Variants in TMEM132D observed in about 807,000 individuals in gnomAD.
The protein encoded by TMEM132D is mature OL transmembrane protein.
TMEM132D carries 21 observed loss-of-function variants against 62.3 expected under a neutral mutation model. The ratio of observed to expected loss-of-function variants is 0.34; its 90% confidence interval spans 0.24 to 0.49. The LOEUF (loss-of-function observed/expected upper bound fraction) is 0.49. Ranked by LOEUF, TMEM132D falls within the 20% of genes least tolerant of loss-of-function variation. The pLI, the probability that TMEM132D is intolerant of heterozygous loss-of-function variation, is 0.99. For missense variants in TMEM132D, 1,346 were observed against 1,402.8 expected (o/e 0.96, Z 0.65); for synonymous variants, 621 against 575.6 (o/e 1.08, Z -1.13).
chr12:129,642,235 A>T (rs1409310234), intron 2 of TMEM132D, among the ~76,000 whole-genome samples: 1 of 152,238 alleles, frequency 6.6e-6, no homozygotes, highest in African/African-American at 2.4e-5. Flanking sequence ...CTTCCCAGCC[A>T]AACAAAATAC....
intron 4 of TMEM132D, among the ~76,000 whole-genome samples, chr12:129,304,349 C>T (rs539444181): frequency 4.7e-4 from 72 of 152,254 alleles, no homozygotes; most frequent in Admixed American, 2.9e-3. Flanking sequence ...CCTACAATAC[C>T]ATGCAAAGGC....
At chr12:129,148,662 T>TA (rs1565978846) in intron 5 of TMEM132D, among the ~76,000 whole-genome samples, 1 of 152,198 alleles carries the variant, frequency 6.6e-6, no homozygotes, top group Non-Finnish European at 1.5e-5. Flanking sequence ...TGTGCATTTT[T>TA]AAAAAAGCCA....
At chr12:129,110,210 C>A (rs1205574787) in intron 5 of TMEM132D, 1 of 152,302 alleles carries the variant, frequency 6.6e-6, no homozygotes, top group Non-Finnish European at 1.5e-5. Context: ...CTGCAGTCCT[C>A]AATTAATCTC....
At chr12:129,616,919 TGAA>T (rs1280438153) in intron 2 of TMEM132D, among the ~76,000 whole-genome samples, 1 of 152,228 alleles carries the variant, frequency 6.6e-6, no homozygotes, top group Non-Finnish European at 1.5e-5. Flanking sequence ...GACAAGGAGA[TGAA>T]GAACACTGGA....
At chr12:129,690,231 G>A (rs1881031074) in intron 2 of TMEM132D, among the ~76,000 whole-genome samples, 1 of 152,082 alleles carries the variant, frequency 6.6e-6, no homozygotes. Flanking sequence ...TACACCAAGA[G>A]AGGATAGCAA....
intron 4 of TMEM132D, among the ~76,000 whole-genome samples, chr12:129,253,034 G>A (rs1160200393): frequency 1.0e-4 from 13 of 125,854 alleles, no homozygotes; most frequent in Non-Finnish European, 1.8e-4. Context: ...ACACACTGGG[G>A]ACTGTTGTGG....
chr12:129,556,542 A>C (rs1488549281), intron 2 of TMEM132D, among the ~76,000 whole-genome samples: 1 of 151,770 alleles, frequency 6.6e-6, no homozygotes, highest in African/African-American at 2.4e-5. Context: ...GGTAGAAAAA[A>C]CCTCAAATAC....
At chr12:129,538,522 A>G (rs953706600) in intron 2 of TMEM132D, among the ~76,000 whole-genome samples, 1 of 152,208 alleles carries the variant, frequency 6.6e-6, no homozygotes, top group Non-Finnish European at 1.5e-5. Context: ...GATGTATGAA[A>G]CCATGGATAG....
chr12:129,487,036 G>GC (rs1874604279), intron 3 of TMEM132D, among the ~76,000 whole-genome samples: 1 of 151,960 alleles, frequency 6.6e-6, no homozygotes, highest in South Asian at 2.1e-4. Flanking sequence ...GCGTATGGGG[G>GC]GGGGGGTTGT....
chr12:129,545,160 G>A (rs1876697628), intron 2 of TMEM132D, among the ~76,000 whole-genome samples: 2 of 152,174 alleles, frequency 1.3e-5, no homozygotes, highest in Non-Finnish European at 2.9e-5. Flanking sequence ...CTCCTTCCCA[G>A]CTTCCTCATT....
chr12:129,563,256 C>G (rs575190100), intron 2 of TMEM132D, among the ~76,000 whole-genome samples: 1 of 152,330 alleles, frequency 6.6e-6, no homozygotes, highest in South Asian at 2.1e-4. Flanking sequence ...TGTCCATTTT[C>G]ATAAAACCTT....
intron 1 of TMEM132D, among the ~76,000 whole-genome samples, chr12:129,891,378 A>T (rs1874918213): frequency 6.6e-6 from 1 of 152,188 alleles, no homozygotes; most frequent in Non-Finnish European, 1.5e-5. Flanking sequence ...GGGCCTTGAG[A>T]GCAACATCAT....
At chr12:129,117,870 T>C (rs919948030) in intron 5 of TMEM132D, among the ~76,000 whole-genome samples, 1 of 152,250 alleles carries the variant, frequency 6.6e-6, no homozygotes, top group Non-Finnish European at 1.5e-5. Context: ...TTTTCCATTG[T>C]TAATTACTAT....
At chr12:129,665,555 T>C (rs1880357390) in intron 2 of TMEM132D, among the ~76,000 whole-genome samples, 1 of 152,082 alleles carries the variant, frequency 6.6e-6, no homozygotes, top group African/African-American at 2.4e-5. Context: ...AACAGTCTAC[T>C]TAAAATACTG....
At chr12:129,649,500 CT>C (rs1452517734) in intron 2 of TMEM132D, among the ~76,000 whole-genome samples, 1 of 152,124 alleles carries the variant, frequency 6.6e-6, no homozygotes, top group Non-Finnish European at 1.5e-5. Context: ...ACTCTACCAT[CT>C]TTGCAAAATA....
chr12:129,117,928 T>C (rs1875943596), intron 5 of TMEM132D, among the ~76,000 whole-genome samples: 2 of 152,224 alleles, frequency 1.3e-5, no homozygotes, highest in South Asian at 4.1e-4. Context: ...TAAAATGAAG[T>C]TGAACAGCAG....
At position 129,096,356 on chromosome 12, in the gene TMEM132D, G is replaced by T. The variant is rs936762747; in HGVS notation, c.1444-11654C>A. On this transcript the variant is annotated intron_variant, in intron 5 of 8. Coordinates refer to ENST00000422113, the MANE Select transcript of TMEM132D (RefSeq NM_133448.3). ...GAGGCTGAGACAGAAGGTCCATTAG[G>T]CCGTGATATCTGTGAAGGAGGAAGG... Among the ~76,000 whole-genome samples the T allele has an allele frequency of 5.3e-5, 8 of 152,076 alleles. No individual in the cohort carries two copies. In the East Asian group the frequency reaches 5.8e-4, roughly 11 times the overall value.
intron 5 of TMEM132D, among the ~76,000 whole-genome samples, chr12:129,112,800 T>C (rs1293292607): frequency 1.3e-5 from 2 of 152,182 alleles, no homozygotes; most frequent in Non-Finnish European, 2.9e-5. Flanking sequence ...ATCCCTGTCA[T>C]CACAGAAGGT....
At chr12:129,804,633 G>A (rs1871915180) in intron 1 of TMEM132D, among the ~76,000 whole-genome samples, 1 of 104,390 alleles carries the variant, frequency 9.6e-6, no homozygotes, top group Non-Finnish European at 1.9e-5. Context: ...ACTGGCACAA[G>A]ACAGGGATGC....
Sources: gnomAD v4.1 joint callset for allele counts (sites outside exome capture counted in the v4.1 genomes callset) on GRCh38, gnomAD v4.1.1 for gene constraint, MANE v1.5 for transcripts, NCBI Gene and HGNC (gene_info 2026-07-23, HGNC 2026-07-21) for gene names.